The following GRIN2A variants were observed in gnomAD, a reference collection of about 807,000 sequenced individuals.
The protein encoded by GRIN2A is glutamate ionotropic receptor NMDA type subunit 2A.
Under a neutral mutation model 113.4 loss-of-function variants are expected in GRIN2A, and 22 were observed. The ratio of observed to expected loss-of-function variants is 0.19; its 90% CI spans 0.14 to 0.28. The LOEUF (loss-of-function observed/expected upper bound fraction) is 0.28, where lower values mean the gene tolerates loss of function less well. GRIN2A is among the 10% of genes least tolerant of loss of function. The pLI, the probability that GRIN2A is intolerant of heterozygous loss-of-function variation, is 1.00. For missense variants in GRIN2A, 1,502 were observed against 1,887.0 expected (o/e 0.80, Z 3.78); for synonymous variants, 827 against 738.4 (o/e 1.12, Z -1.94).
intron 3 of GRIN2A, among the ~76,000 whole-genome samples, chr16:9,917,682 G>A (rs993093333): frequency 1.3e-5 from 2 of 152,150 alleles, no homozygotes; most frequent in Non-Finnish European, 2.9e-5. Flanking sequence ...CAGGACCCAA[G>A]TTCTTCTAAC....
At chr16:9,947,424 C>T (rs545115586) in intron 2 of GRIN2A, among the ~76,000 whole-genome samples, 23 of 152,330 alleles carry the variant, frequency 1.5e-4, no homozygotes, top group Admixed American at 3.9e-4. Context: ...TTTTCGTCTC[C>T]GGCTATCATA....
chr16:10,116,907 T>G (rs1383116881), intron 2 of GRIN2A, among the ~76,000 whole-genome samples: 1 of 152,066 alleles, frequency 6.6e-6, no homozygotes, highest in Admixed American at 6.6e-5. Context: ...CAGAGAACAT[T>G]CTTAGGCAGA....
chr16:9,864,973 TATG>T (rs2043138338), intron 4 of GRIN2A, among the ~76,000 whole-genome samples: 1 of 152,198 alleles, frequency 6.6e-6, no homozygotes, highest in Non-Finnish European at 1.5e-5. Context: ...AATGCATCGT[TATG>T]ATGAAATGCA....
intron 2 of GRIN2A, among the ~76,000 whole-genome samples, chr16:10,171,300 G>A (rs1070502): frequency 2.0e-5 from 3 of 152,126 alleles, no homozygotes; most frequent in African/African-American, 4.8e-5. Context: ...AACAAATACC[G>A]TTGGAGCTGC....
Position 9,754,844 on chromosome 16 carries a change from T to G in GRIN2A, c.*8305A>C. On this transcript the variant is annotated 3_prime_UTR_variant, in exon 13 of 13. Coordinates refer to ENST00000330684, the MANE Select transcript of GRIN2A (RefSeq NM_001134407.3). ...TCTTCGCTCTTTGCTCAGTTATCAA[T>G]AGTCTTTGATTTGAGCCCTTTAAAA... 4.5e-6 allele frequency: 1 copy of G among 223,410 alleles called. No individual in the cohort carries two copies. The highest frequency in any genetic ancestry group is 8.9e-6 in the Non-Finnish European group (1 of 111,868). The allele number at this position is 223,410 out of a possible 1,614,324, so 13.8% of individuals were successfully genotyped here.
At chr16:10,171,440 A>T (rs1488319676) in intron 2 of GRIN2A, 6 of 152,240 alleles carry the variant, frequency 3.9e-5, no homozygotes, top group Non-Finnish European at 7.3e-5. Context: ...CATTTAGTGC[A>T]AAGGTCAATG....
In GRIN2A at chr16:9,797,454, G is replaced by A. The variant is rs73498539; in HGVS notation, c.2356+823C>T. Among the ~76,000 whole-genome samples the A allele has an allele frequency of 6.9e-3, 1,058 of 152,328 alleles. 15 individuals carry two copies. The highest frequency in any genetic ancestry group is 0.024 in the African/African-American group (1,004 of 41,572). On this transcript the variant is annotated intron_variant, in intron 11 of 12. Transcript: ENST00000330684. ...AGCTATGAAGTAGAAAGGGCAGACA[G>A]GAGGAAATGCTTCTGGTGACACAGC...
At chr16:9,786,381 C>T (rs891731800) in intron 11 of GRIN2A, among the ~76,000 whole-genome samples, 5 of 152,186 alleles carry the variant, frequency 3.3e-5, no homozygotes, top group Non-Finnish European at 5.9e-5. Context: ...TAGGCTGGGC[C>T]TGCTCCCACG....
intron 10 of GRIN2A, among the ~76,000 whole-genome samples, chr16:9,820,704 T>G (rs2042265265): frequency 6.6e-6 from 1 of 152,082 alleles, no homozygotes. Context: ...ATCTACGGCT[T>G]TAGAAGTGCA....
chr16:9,871,382 T>C (rs1403344780), intron 4 of GRIN2A, among the ~76,000 whole-genome samples: 1 of 151,786 alleles, frequency 6.6e-6, no homozygotes, highest in Non-Finnish European at 1.5e-5. Context: ...CCCAGGTCCT[T>C]TGATAAAAGA....
chr16:10,179,734 C>G, intron 2 of GRIN2A: 1 of 529,834 alleles, frequency 1.9e-6, no homozygotes, highest in Non-Finnish European at 3.4e-6. Flanking sequence ...GCCTACTTCT[C>G]AGTTTTCTGA....
At chr16:10,065,889 C>T (rs1050891521) in intron 2 of GRIN2A, among the ~76,000 whole-genome samples, 4 of 152,276 alleles carry the variant, frequency 2.6e-5, no homozygotes, top group Non-Finnish European at 5.9e-5. Flanking sequence ...CTCCCACGGT[C>T]TCAGGGTGAT....
At chr16:10,047,708 T>C (rs147818187) in intron 2 of GRIN2A, among the ~76,000 whole-genome samples, 268 of 152,302 alleles carry the variant, frequency 1.8e-3, no homozygotes, top group African/African-American at 5.8e-3. Flanking sequence ...CCAGCATGCA[T>C]GGTGGGTCAG....
chr16:9,871,594 A>G (rs2043261754), intron 4 of GRIN2A, among the ~76,000 whole-genome samples: 1 of 152,200 alleles, frequency 6.6e-6, no homozygotes, highest in South Asian at 2.1e-4. Context: ...TATATCATTT[A>G]TGATGCCTCT....
intron 9 of GRIN2A, among the ~76,000 whole-genome samples, chr16:9,826,216 G>T (rs2042384578): frequency 6.6e-6 from 1 of 152,144 alleles, no homozygotes; most frequent in South Asian, 2.1e-4. Context: ...GCAAGGCCAG[G>T]ATTTGAACCC....
intron 10 of GRIN2A, among the ~76,000 whole-genome samples, chr16:9,811,368 C>T (rs967796510): frequency 1.1e-4 from 17 of 152,158 alleles, no homozygotes; most frequent in African/African-American, 4.1e-4. Flanking sequence ...CTTCAGTGTC[C>T]TCCTCTATAA....
chr16:9,931,072 C>G (rs2044581572), intron 3 of GRIN2A, among the ~76,000 whole-genome samples: 1 of 152,154 alleles, frequency 6.6e-6, no homozygotes, highest in African/African-American at 2.4e-5. Flanking sequence ...TAATTCATAA[C>G]TCTCCTGGGA....
chr16:9,814,519 G>A (rs12934281), intron 10 of GRIN2A, among the ~76,000 whole-genome samples: 48,006 of 151,940 alleles, frequency 0.32, 8,467 homozygotes, highest in African/African-American at 0.48. Flanking sequence ...TGATGATGGT[G>A]TTCCAAAGGC....
intron 2 of GRIN2A, among the ~76,000 whole-genome samples, chr16:9,956,747 G>A (rs921622645): frequency 1.3e-5 from 2 of 152,156 alleles, no homozygotes; most frequent in African/African-American, 4.8e-5. Flanking sequence ...TGCACAATGG[G>A]GGAAACAGAA....
Sources: gnomAD v4.1 joint callset for allele counts (sites outside exome capture counted in the v4.1 genomes callset) on GRCh38, gnomAD v4.1.1 for gene constraint, MANE v1.5 for transcripts, NCBI Gene and HGNC (gene_info 2026-07-23, HGNC 2026-07-21) for gene names.